Variants in NDUFAF2 observed in about 807,000 individuals in gnomAD.
NDUFAF2 encodes the protein NADH dehydrogenase [ubiquinone] 1 alpha subcomplex assembly factor 2.
NDUFAF2 carries 13 observed loss-of-function variants against 22.8 expected under a neutral mutation model. That is an observed-to-expected ratio of 0.57 (90% confidence interval 0.37 to 0.91). The LOEUF is 0.91. Ranked by LOEUF, NDUFAF2 falls within the 40% of genes least tolerant of loss-of-function variation. The probability of loss-of-function intolerance (pLI) is 0.01; values close to 1 mark genes in which losing one functional copy is unlikely to be tolerated. For synonymous variants in NDUFAF2, 53 were observed against 64.2 expected, an observed-to-expected ratio of 0.83 and a Z score of 0.84; for missense variants, 162 against 195.2, an observed-to-expected ratio of 0.83 and a Z score of 1.01.
chr5:61,056,907 AAAAAAAAAAAAAATATATATATAT>A (rs1276599988), intron 1 of NDUFAF2, among the ~76,000 whole-genome samples: 4 of 40,630 alleles, frequency 9.8e-5, no homozygotes, highest in East Asian at 1.1e-3. Context: ...AAAAAAAAAA[AAAAAAAAAAAAAATATATATATAT>A]ATATATATAT....
intron 1 of NDUFAF2, among the ~76,000 whole-genome samples, chr5:61,041,677 C>T (rs1269869903): frequency 6.6e-6 from 1 of 152,136 alleles, no homozygotes. Context: ...ATAAGCATCA[C>T]TTGTAATGGT....
intron 1 of NDUFAF2, 29 bp downstream of exon 1, chr5:60,945,411 G>A: frequency 1.2e-6 from 2 of 1,614,186 alleles, no homozygotes; most frequent in Admixed American, 1.7e-5. Flanking sequence ...CAGCGATTGC[G>A]TGGTCAGTGA....
chr5:61,143,836 T>G (rs1243659009), intron 3 of NDUFAF2, among the ~76,000 whole-genome samples: 1 of 152,166 alleles, frequency 6.6e-6, no homozygotes, highest in African/African-American at 2.4e-5. Flanking sequence ...AACTTCAGTT[T>G]GAACATAGTT....
At chr5:61,043,051 C>CTCTACTG (rs758796160) in intron 1 of NDUFAF2, among the ~76,000 whole-genome samples, 1 of 152,124 alleles carries the variant, frequency 6.6e-6, no homozygotes, top group Non-Finnish European at 1.5e-5. Flanking sequence ...GAAACCCCGT[C>CTCTACTG]TCTACTAACA....
chr5:61,126,341 G>A (rs1190557880), intron 3 of NDUFAF2, among the ~76,000 whole-genome samples: 1 of 151,932 alleles, frequency 6.6e-6, no homozygotes, highest in African/African-American at 2.4e-5. Flanking sequence ...TTTTGACAAT[G>A]TCTCTTCTTA....
At chr5:61,024,889 T>C (rs1751630203) in intron 1 of NDUFAF2, among the ~76,000 whole-genome samples, 1 of 152,136 alleles carries the variant, frequency 6.6e-6, no homozygotes, top group African/African-American at 2.4e-5. Flanking sequence ...TTCCAATTGC[T>C]AACAGTTTTC....
Position 61,035,424 on chromosome 5 carries a change from G to GTTTTTTTTTTTTTTTT in NDUFAF2, c.128-37688_128-37673dup, listed in dbSNP as rs768889484. 1.7e-4 allele frequency among the ~76,000 whole-genome samples: 7 copies of GTTTTTTTTTTTTTTTT among 40,520 alleles called. 1 individual carries two copies. Among genetic ancestry groups the GTTTTTTTTTTTTTTTT allele is most frequent in the East Asian group, 7.2e-4 (1 of 1,384 alleles). 26.6% of individuals were successfully genotyped at this position (40,520 alleles called of 152,430 possible). On this transcript the variant is annotated intron_variant, in intron 1 of 3. Transcript: ENST00000296597. Reference sequence around the variant, plus strand: ...GACAACTCTCTTTCTCTCTTGCTCTGTTTTTTTTTTTTTTTTTTTTTTTTT... The same window carrying GTTTTTTTTTTTTTTTT: ...GACAACTCTCTTTCTCTCTTGCTCTGTTTTTTTTTTTTTTTTTTTTTTTTTTTTTTTTTTTTTTTTT...
chr5:60,960,244 T>C (rs1332722710), intron 1 of NDUFAF2, among the ~76,000 whole-genome samples: 3 of 152,154 alleles, frequency 2.0e-5, no homozygotes, highest in African/African-American at 7.2e-5. Flanking sequence ...ATATTAAGAA[T>C]AGTAGTGTCA....
At chr5:61,001,979 A>G (rs1236372615) in intron 1 of NDUFAF2, among the ~76,000 whole-genome samples, 1 of 152,104 alleles carries the variant, frequency 6.6e-6, no homozygotes, top group Non-Finnish European at 1.5e-5. Context: ...GAAAGAGAGG[A>G]AAGGGTTGGT....
At chr5:60,979,137 G>A (rs966716211) in intron 1 of NDUFAF2, among the ~76,000 whole-genome samples, 7 of 152,158 alleles carry the variant, frequency 4.6e-5, no homozygotes, top group African/African-American at 1.4e-4. Flanking sequence ...AGTGCCTTGG[G>A]CCCTGAATAA....
At chr5:60,983,588 G>A (rs1301882651) in intron 1 of NDUFAF2, among the ~76,000 whole-genome samples, 2 of 150,498 alleles carry the variant, frequency 1.3e-5, no homozygotes, top group African/African-American at 4.9e-5. Flanking sequence ...TAAGGTGTAA[G>A]GAAGGGATCC....
chr5:61,118,418 A>G (rs755280392), intron 3 of NDUFAF2, among the ~76,000 whole-genome samples: 1 of 152,204 alleles, frequency 6.6e-6, no homozygotes, highest in Non-Finnish European at 1.5e-5. Flanking sequence ...CCATTTATCT[A>G]TCTTAAAATT....
In NDUFAF2 at chr5:61,064,454, T is replaced by C. The variant is rs114300713; in HGVS notation, c.128-8671T>C. ...CAACAACAGAATACACATTTTGCTCTAGCACACATGCATAGAACATTCTTC... is the reference window on the plus strand; with the variant it reads ...CAACAACAGAATACACATTTTGCTCCAGCACACATGCATAGAACATTCTTC... On this transcript the variant is annotated intron_variant, in intron 1 of 3. Coordinates refer to ENST00000296597, the MANE Select transcript of NDUFAF2 (RefSeq NM_174889.5). Among the ~76,000 whole-genome samples the C allele has an allele frequency of 4.0e-3, 615 of 152,224 alleles. 3 individuals carry two copies. Among genetic ancestry groups the C allele is most frequent in the Middle Eastern group, 6.8e-3 (2 of 294 alleles).
At chr5:60,994,043 T>C (rs1409569073) in intron 1 of NDUFAF2, among the ~76,000 whole-genome samples, 2 of 152,192 alleles carry the variant, frequency 1.3e-5, no homozygotes, top group Non-Finnish European at 2.9e-5. Context: ...TGAGCTGCCC[T>C]CAGTCCCCCA....
intron 3 of NDUFAF2, chr5:61,116,763 G>A (rs1439567470): frequency 1.3e-5 from 2 of 152,130 alleles, no homozygotes; most frequent in Non-Finnish European, 2.9e-5. Context: ...AGGGAGGGGT[G>A]AGATCCAAGA....
At chr5:61,125,744 A>G (rs989701960) in intron 3 of NDUFAF2, among the ~76,000 whole-genome samples, 2 of 152,108 alleles carry the variant, frequency 1.3e-5, no homozygotes, top group Non-Finnish European at 2.9e-5. Flanking sequence ...GTTGGATATT[A>G]AGTATGACAG....
At chr5:61,009,567 A>T (rs1322397079) in intron 1 of NDUFAF2, among the ~76,000 whole-genome samples, 1 of 152,150 alleles carries the variant, frequency 6.6e-6, no homozygotes, top group Non-Finnish European at 1.5e-5. Context: ...TGGACCTACC[A>T]GTCCTACTAA....
chr5:61,040,251 GACACACACACACACAC>G (rs55910021), intron 1 of NDUFAF2, among the ~76,000 whole-genome samples: 4 of 131,978 alleles, frequency 3.0e-5, no homozygotes, highest in African/African-American at 5.5e-5. Flanking sequence ...AAGAGGAAAG[GACACACACACACACAC>G]ACACACACAC....
At chr5:60,959,413 A>G (rs1750656045) in intron 1 of NDUFAF2, among the ~76,000 whole-genome samples, 1 of 152,084 alleles carries the variant, frequency 6.6e-6, no homozygotes, top group African/African-American at 2.4e-5. Context: ...CTAACTTTTA[A>G]GATAAAGATT....
Sources: gnomAD v4.1 joint callset for allele counts (sites outside exome capture counted in the v4.1 genomes callset) on GRCh38, gnomAD v4.1.1 for gene constraint, MANE v1.5 for transcripts, NCBI Gene and HGNC (gene_info 2026-07-23, HGNC 2026-07-21) for gene names.